Variants in DCBLD1 observed in about 807,000 individuals in gnomAD.
The protein encoded by DCBLD1 is discoidin, CUB and LCCL domain containing 1, also known as discoidin, CUB and LCCL domain-containing protein 1.
In DCBLD1, 57 loss-of-function variants were observed where a neutral mutation model predicts 71.5. The observed-to-expected ratio is 0.80, with a 90% confidence interval of 0.64 to 0.99. The LOEUF is 0.99. Ranked by LOEUF, DCBLD1 falls within the 50% of genes least tolerant of loss-of-function variation. The pLI, the probability that DCBLD1 is intolerant of heterozygous loss-of-function variation, is 0.00. For missense variants in DCBLD1, 891 were observed against 923.5 expected (o/e 0.96, Z 0.46); for synonymous variants, 380 against 363.8 (o/e 1.04, Z -0.51).
chr6:117,496,665 A>G (rs1777479707), intron 1 of DCBLD1, among the ~76,000 whole-genome samples: 1 of 152,022 alleles, frequency 6.6e-6, no homozygotes, highest in Non-Finnish European at 1.5e-5. Context: ...TTAGAAGAGC[A>G]AGGATACAAC....
chr6:117,518,421 T>G (rs1778277263), intron 2 of DCBLD1, among the ~76,000 whole-genome samples: 2 of 152,190 alleles, frequency 1.3e-5, no homozygotes, highest in Non-Finnish European at 2.9e-5. Flanking sequence ...CTCCAAACTG[T>G]TCCAACCTCT....
At chr6:117,536,573 C>G (rs187983180) in intron 6 of DCBLD1, among the ~76,000 whole-genome samples, 1 of 152,320 alleles carries the variant, frequency 6.6e-6, no homozygotes, top group African/African-American at 2.4e-5. Flanking sequence ...CCAGCTGTAC[C>G]TTGTCATCCA....
At chr6:117,559,032 A>AAAT (rs1018959777) in intron 14 of DCBLD1, among the ~76,000 whole-genome samples, 18 of 152,192 alleles carry the variant, frequency 1.2e-4, no homozygotes, top group African/African-American at 4.3e-4. Flanking sequence ...ACCATTTGTG[A>AAAT]AATAGCCACT....
Position 117,548,550 on chromosome 6 carries a change from A to C in DCBLD1, c.*111A>C. 1 of 1,489,766 alleles carries C rather than the reference A, an allele frequency of 6.7e-7. No individual in the cohort carries two copies. The highest frequency in any genetic ancestry group is 8.9e-7 in the Non-Finnish European group (1 of 1,124,974). 92.3% of individuals were successfully genotyped at this position (1,489,766 alleles called of 1,614,324 possible). A position where few individuals can be genotyped will look rare whatever the true frequency, so the allele number is the denominator to read the frequency against. ...TGCGTGTGTATCGGTGTGTGTGTAC[A>C]CTTGCATGTGTGTGTGTGATCCAGT... On this transcript the variant is annotated 3_prime_UTR_variant, in exon 15 of 15. Coordinates refer to ENST00000338728, the MANE Select transcript of DCBLD1 (RefSeq NM_001366458.2).
chr6:117,569,627 C>T (rs768026972), exon 15 of DCBLD1: 1 of 1,613,028 alleles, frequency 6.2e-7, no homozygotes, highest in Non-Finnish European at 8.5e-7. Context: ...TAGGTTAACT[C>T]CGTTGACTGC....
At chr6:117,503,519 T>TA in intron 1 of DCBLD1, 1 of 487,670 alleles carries the variant, frequency 2.1e-6, no homozygotes, top group South Asian at 2.9e-5. Context: ...ATTTGTTTCC[T>TA]AAGGGCTTTC....
At position 117,539,279 on chromosome 6, in the gene DCBLD1, A is replaced by T. The variant is rs757926608; in HGVS notation, c.1001A>T (p.Gln334Leu). The part of the protein sequence containing the change: ...ITGIRTTGST[Q>L]SNFNFYVKSF... ...GGAATTAGGACCACAGGATCTACAC[A>T]GTCGAACTTCAACTTTTATGTTAAG... Residue 334 changes from glutamine to leucine, a missense_variant, in exon 9 of 15, where the codon CAG (glutamine) becomes CTG (leucine). Transcript: ENST00000338728. 6.2e-7 allele frequency: 1 copy of T among 1,603,788 alleles called. No individual in the cohort carries two copies. The highest frequency in any genetic ancestry group is 8.5e-7 in the Non-Finnish European group (1 of 1,176,998).
At chr6:117,490,713 G>GATATGA (rs1777262435) in intron 1 of DCBLD1, among the ~76,000 whole-genome samples, 1 of 152,076 alleles carries the variant, frequency 6.6e-6, no homozygotes, top group African/African-American at 2.4e-5. Context: ...AGTTTTTATA[G>GATATGA]TCAGCATCTT....
intron 5 of DCBLD1, among the ~76,000 whole-genome samples, chr6:117,529,238 A>G (rs1017642172): frequency 9.9e-5 from 15 of 152,100 alleles, no homozygotes; most frequent in Admixed American, 6.6e-5. Flanking sequence ...AGATCAATCT[A>G]TATTTTCACA....
chr6:117,483,283 C>A (rs557303705), intron 1 of DCBLD1, among the ~76,000 whole-genome samples: 55 of 152,330 alleles, frequency 3.6e-4, no homozygotes, highest in Non-Finnish European at 7.3e-4. Flanking sequence ...GTGTGCAGGG[C>A]CAGTTCTTTC....
At chr6:117,559,064 G>A (rs535883928) in intron 14 of DCBLD1, among the ~76,000 whole-genome samples, 37 of 152,210 alleles carry the variant, frequency 2.4e-4, no homozygotes, top group African/African-American at 7.5e-4. Flanking sequence ...TTGTGCCAAC[G>A]ACTAGATAAA....
chr6:117,558,216 G>T (rs953452762), intron 14 of DCBLD1, among the ~76,000 whole-genome samples: 1 of 152,202 alleles, frequency 6.6e-6, no homozygotes, highest in Non-Finnish European at 1.5e-5. Flanking sequence ...TTAACACTTA[G>T]GTGTTCAGCC....
rs148445832 is a variant in DCBLD1, at chr6:117,486,882, C to A, written c.112+3989C>A. On this transcript the variant is annotated intron_variant, in intron 1 of 14. Coordinates refer to ENST00000338728, the MANE Select transcript of DCBLD1 (RefSeq NM_001366458.2). ...AGCAACAGGTAATGGAGCATTACCG[C>A]CTGAGTTCGCCTCCTGTCAGATCAG... Among the ~76,000 whole-genome samples the A allele has an allele frequency of 1.6e-3, 251 of 152,302 alleles. 2 individuals are homozygous for A. Among genetic ancestry groups the A allele is most frequent in the African/African-American group, 5.5e-3 (227 of 41,554 alleles).
chr6:117,509,174 G>A (rs1777933622), intron 2 of DCBLD1, among the ~76,000 whole-genome samples: 1 of 152,184 alleles, frequency 6.6e-6, no homozygotes, highest in African/African-American at 2.4e-5. Flanking sequence ...TCTCATACCT[G>A]TAATCTCAGC....
chr6:117,503,715 A>G (rs1777739117), intron 1 of DCBLD1, 52 bp from the exon 2 acceptor site: 1 of 1,585,228 alleles, frequency 6.3e-7, no homozygotes, highest in African/African-American at 1.3e-5. Flanking sequence ...AATCCTCAGT[A>G]AGAATTAATG....
intron 13 of DCBLD1, 53 bp from the exon 14 acceptor site, chr6:117,545,425 A>G: frequency 6.3e-7 from 1 of 1,596,474 alleles, no homozygotes; most frequent in South Asian, 1.1e-5. Flanking sequence ...GTTCTGGAGG[A>G]CGCGCATTAC....
Position 117,482,803 on chromosome 6 carries a change from G to T in DCBLD1, c.22G>T (p.Gly8Cys), listed in dbSNP as rs1776935575. 13 of 1,152,912 alleles carry T rather than the reference G, an allele frequency of 1.1e-5. No homozygotes were observed. The highest frequency in any genetic ancestry group is 1.4e-5 in the Non-Finnish European group (13 of 938,094). The allele number at this position is 1,152,912 out of a possible 1,614,324, so 71.4% of individuals were successfully genotyped here. Reference protein sequence around the residue: MVPGARGGGALARAAGRG... With the variant: MVPGARGCGALARAAGRG... ...GGTCATGGTGCCCGGCGCCCGCGGC[G>T]GCGGCGCACTGGCGCGGGCTGCCGG... is the stretch of plus-strand genomic sequence containing the variant. Residue 8 changes from glycine (G) to cysteine (C), a missense_variant, in exon 1 of 15, where the codon GGC becomes TGC. By Grantham distance (159) the Gly-to-Cys change is radical. Transcript: ENST00000338728.
At chr6:117,537,134 T>C in intron 6 of DCBLD1, 51 bp from the exon 7 acceptor site, 1 of 1,595,242 alleles carries the variant, frequency 6.3e-7, no homozygotes, top group Non-Finnish European at 8.6e-7. Context: ...TATTAGTCAC[T>C]AAGATGTAGG....
At chr6:117,503,596 C>A in intron 1 of DCBLD1, 171 bp from the exon 2 acceptor site, 1 of 643,746 alleles carries the variant, frequency 1.6e-6, no homozygotes, top group Non-Finnish European at 2.6e-6. Flanking sequence ...ATGAAATAAC[C>A]TGAAACAATA....
Sources: allele counts gnomAD v4.1 joint callset (sites outside exome capture counted in the v4.1 genomes callset), GRCh38; gene constraint gnomAD v4.1.1; transcripts MANE v1.5; gene names NCBI Gene and HGNC (gene_info 2026-07-23, HGNC 2026-07-21).